NCOA1: variants seen among roughly 807,000 people sequenced by gnomAD.
The protein encoded by NCOA1 is Hin-2 protein.
In NCOA1, 35 loss-of-function variants were observed where a neutral mutation model predicts 150.9. That is an observed-to-expected ratio of 0.23 (90% confidence interval 0.18 to 0.31). The LOEUF (loss-of-function observed/expected upper bound fraction) is 0.31. Ranked by LOEUF, NCOA1 falls within the 10% of genes least tolerant of loss-of-function variation. The pLI, the probability that NCOA1 is intolerant of heterozygous loss-of-function variation, is 1.00. For missense variants in NCOA1, 1,491 were observed against 1,749.3 expected (o/e 0.85, Z 2.63); for synonymous variants, 590 against 630.0 (o/e 0.94, Z 0.95).
intron 19 of NCOA1, among the ~76,000 whole-genome samples, chr2:24,751,316 C>G (rs1664227922): frequency 6.6e-6 from 1 of 150,784 alleles, no homozygotes; most frequent in Non-Finnish European, 1.5e-5. Context: ...GGCGCGGTGG[C>G]TCACACCTGT....
At chr2:24,607,539 A>G (rs1349376639) in intron 3 of NCOA1, among the ~76,000 whole-genome samples, 1 of 152,040 alleles carries the variant, frequency 6.6e-6, no homozygotes, top group Non-Finnish European at 1.5e-5. Flanking sequence ...AATACAAAAA[A>G]TTTAGCCGGG....
rs1302662999 is a variant in NCOA1, at chr2:24,741,908, A to G, written c.3428A>G (p.Asn1143Ser). ...MLMRQQSFGN[N>S]LPPSSGLPVQ... ...ATGAGGCAGCAAAGCTTTGGGAACA[A>G]CCTCCCTCCCTCATCTGGACTACCA... The change falls in exon 19 of 23, where the codon AAC becomes AGC. Residue 1143 changes from asparagine to serine, a missense_variant. By Grantham distance (46) the Asn-to-Ser change is conservative (BLOSUM62 1). This residue lies in a region of NCOA1 where 485 missense variants were observed against 522.8 expected (regional missense o/e 0.93). Coordinates refer to ENST00000348332, the MANE Select transcript of NCOA1 (RefSeq NM_003743.5). The G allele has an allele frequency of 1.2e-5, 19 of 1,613,630 alleles. No homozygotes were observed. The highest frequency in any genetic ancestry group is 1.5e-5 in the Non-Finnish European group (18 of 1,179,938).
At chr2:24,727,516 A>G (rs1558319125) in intron 15 of NCOA1, among the ~76,000 whole-genome samples, 1 of 152,230 alleles carries the variant, frequency 6.6e-6, no homozygotes, top group Non-Finnish European at 1.5e-5. Context: ...GCCATATTCC[A>G]TAACGCAGGC....
chr2:24,538,724 T>C (rs983604520), intron 1 of NCOA1, among the ~76,000 whole-genome samples: 1 of 152,198 alleles, frequency 6.6e-6, no homozygotes, highest in Non-Finnish European at 1.5e-5. Flanking sequence ...TCCCAGTTGC[T>C]CTGATTTCAT....
chr2:24,526,673 C>T (rs1258532767), intron 1 of NCOA1, among the ~76,000 whole-genome samples: 1 of 151,348 alleles, frequency 6.6e-6, no homozygotes, highest in Non-Finnish European at 1.5e-5. Context: ...GGTGCAGGCT[C>T]ATTGCATTGC....
At chr2:24,565,684 C>T (rs1178278183) in intron 2 of NCOA1, among the ~76,000 whole-genome samples, 3 of 152,204 alleles carry the variant, frequency 2.0e-5, no homozygotes, top group Admixed American at 1.3e-4. Flanking sequence ...GCAGCTCACA[C>T]TACTGGCCTG....
chr2:24,758,189 C>G lies in NCOA1; in HGVS notation c.4065+33C>G, dbSNP rs767765201. On this transcript the variant is annotated intron_variant, in intron 21 of 22. Coordinates refer to ENST00000348332, the MANE Select transcript of NCOA1 (RefSeq NM_003743.5). Reference sequence around the variant, plus strand: ...GCACACTCGCCACACACATGCCACACCACATCACAGTTAATTCTGAGGAAA... The same window carrying G: ...GCACACTCGCCACACACATGCCACAGCACATCACAGTTAATTCTGAGGAAA... 3 of 1,564,564 alleles carry G rather than the reference C, an allele frequency of 1.9e-6. No homozygotes were observed. In the East Asian group the frequency reaches 6.9e-5, roughly 36 times the overall value.
chr2:24,555,734 G>A (rs150778890), intron 1 of NCOA1, among the ~76,000 whole-genome samples: 1 of 152,134 alleles, frequency 6.6e-6, no homozygotes, highest in Admixed American at 6.5e-5. Context: ...AATATTTCTT[G>A]TTCTGAGGTT....
At chr2:24,708,905 A>G (rs1314182135) in intron 13 of NCOA1, among the ~76,000 whole-genome samples, 1 of 152,182 alleles carries the variant, frequency 6.6e-6, no homozygotes, top group Non-Finnish European at 1.5e-5. Flanking sequence ...TTCTGTGCCC[A>G]CTGAACTTCT....
At chr2:24,639,916 G>GTGTATATATATA (rs1670113269) in intron 3 of NCOA1, among the ~76,000 whole-genome samples, 1 of 29,738 alleles carries the variant, frequency 3.4e-5, no homozygotes, top group African/African-American at 6.5e-5. Flanking sequence ...ATGTGTGTGT[G>GTGTATATATATA]TATATATATA....
chr2:24,729,422 G>A (rs1199139925), intron 16 of NCOA1, 79 bp from the exon 17 acceptor site: 37 of 1,325,954 alleles, frequency 2.8e-5, no homozygotes, highest in Non-Finnish European at 3.9e-5. Context: ...ATATATGATG[G>A]TGCTTTCTAG....
chr2:24,499,782 T>G (rs901296436), intron 1 of NCOA1, among the ~76,000 whole-genome samples: 5 of 152,230 alleles, frequency 3.3e-5, no homozygotes, highest in African/African-American at 1.2e-4. Flanking sequence ...GGATGTGTCT[T>G]GAGGAGTCTT....
At chr2:24,569,552 A>ATTTTTTTTTTTTTTTTTTTTT (rs200639064) in intron 2 of NCOA1, among the ~76,000 whole-genome samples, 1 of 93,794 alleles carries the variant, frequency 1.1e-5, no homozygotes. Context: ...GGTTTTATTA[A>ATTTTTTTTTTTTTTTTTTTTT]TTTTTTTTTT....
Position 24,504,375 on chromosome 2 carries a change from T to C in NCOA1, c.-396+12773T>C, listed in dbSNP as rs538355129. 1.2e-4 allele frequency among the ~76,000 whole-genome samples: 18 copies of C among 152,362 alleles called. No individual in the cohort carries two copies. In the East Asian group the frequency reaches 3.5e-3, roughly 29 times the overall value. On this transcript the variant is annotated intron_variant, in intron 1 of 22. Transcript: ENST00000348332. Reference sequence around the variant, plus strand: ...AAGTGTCCCACATCGATTTTTCTTATAGACTATTGGCTAAAAGTAGTCATA... The same window carrying C: ...AAGTGTCCCACATCGATTTTTCTTACAGACTATTGGCTAAAAGTAGTCATA...
At chr2:24,660,481 C>T (rs928265002) in intron 5 of NCOA1, among the ~76,000 whole-genome samples, 8 of 151,738 alleles carry the variant, frequency 5.3e-5, no homozygotes, top group African/African-American at 1.9e-4. Flanking sequence ...TATACACACA[C>T]AGGTATCTGA....
intron 3 of NCOA1, among the ~76,000 whole-genome samples, chr2:24,618,670 A>G (rs376462985): frequency 1.3e-5 from 2 of 151,970 alleles, no homozygotes; most frequent in Non-Finnish European, 2.9e-5. Context: ...CTTCTGTTCT[A>G]CCTCTACAAA....
chr2:24,690,612 A>G (rs989513668), intron 8 of NCOA1, among the ~76,000 whole-genome samples: 1 of 128,144 alleles, frequency 7.8e-6, no homozygotes, highest in Non-Finnish European at 1.6e-5. Flanking sequence ...AGATCACACC[A>G]TTGCACTCCA....
chr2:24,660,929 C>T (rs968356078), intron 5 of NCOA1, among the ~76,000 whole-genome samples: 7 of 151,876 alleles, frequency 4.6e-5, no homozygotes, highest in African/African-American at 7.3e-5. Flanking sequence ...GTTGTGGTGC[C>T]GGGCATCTGT....
chr2:24,566,722 A>T (rs1269590189), intron 2 of NCOA1, among the ~76,000 whole-genome samples: 1 of 152,282 alleles, frequency 6.6e-6, no homozygotes, highest in African/African-American at 2.4e-5. Context: ...GCTGAGGGGC[A>T]CCTGCAGGCC....
Sources: gnomAD v4.1 joint callset for allele counts (sites outside exome capture counted in the v4.1 genomes callset) on GRCh38, gnomAD v4.1.1 for gene constraint, gnomAD v4.1.1 regional missense constraint, MANE v1.5 for transcripts, NCBI Gene and HGNC (gene_info 2026-07-23, HGNC 2026-07-21) for gene names.